The following NEMP2 variants were observed in gnomAD, a reference collection of about 807,000 sequenced individuals.
NEMP2 encodes the protein UPF0571 transmembrane protein.
Under a neutral mutation model 54.2 loss-of-function variants are expected in NEMP2, and 53 were observed. The ratio of observed to expected loss-of-function variants is 0.98; its 90% confidence interval spans 0.78 to 1.23. The LOEUF is 1.23. NEMP2 is among the 50% of genes most tolerant of loss of function. The probability of loss-of-function intolerance (pLI) is 0.00; values close to 1 mark genes in which losing one functional copy is unlikely to be tolerated. For synonymous variants in NEMP2, 197 were observed against 190.3 expected, an observed-to-expected ratio of 1.04 and a Z score of -0.29; for missense variants, 455 against 511.3, an observed-to-expected ratio of 0.89 and a Z score of 1.06.
upstream of NEMP2, chr2:190,534,797 G>A: frequency 1.8e-6 from 1 of 569,476 alleles, no homozygotes; most frequent in Non-Finnish European, 2.6e-6. Flanking sequence ...CGCCTCCCCG[G>A]GGCGGAGGGA....
chr2:190,489,488 CATTGA>C, the NEMP2 span, among the ~76,000 whole-genome samples: 6 of 152,040 alleles, frequency 3.9e-5, no homozygotes, highest in African/African-American at 1.5e-4. The surrounding 1 kb of genome is among the most constrained non-coding windows in gnomAD (Gnocchi z 6.6). Context: ...AGGAGAGCAC[CATTGA>C]ATTGTATGAG....
At chr2:190,546,719 A>G in the NEMP2 span, among the ~76,000 whole-genome samples, 1 of 152,148 alleles carries the variant, frequency 6.6e-6, no homozygotes, top group Non-Finnish European at 1.5e-5. The surrounding 1 kb of genome is among the most constrained non-coding windows in gnomAD (Gnocchi z 5.1). Flanking sequence ...GTCCTTAGCA[A>G]TAGAGTCAAG....
chr2:190,463,372 C>G, the NEMP2 span, among the ~76,000 whole-genome samples: 2 of 152,124 alleles, frequency 1.3e-5, no homozygotes, highest in Non-Finnish European at 2.9e-5. This position sits in a 1 kb window ranked among gnomAD's most constrained non-coding sequence, Gnocchi z 4.4. Context: ...AGCTTCATTC[C>G]TGGGGAGGAG....
chr2:190,632,064 GAAAAA>G, the NEMP2 span, among the ~76,000 whole-genome samples: 7 of 151,826 alleles, frequency 4.6e-5, no homozygotes, highest in African/African-American at 7.3e-5. The surrounding 1 kb of genome is among the most constrained non-coding windows in gnomAD (Gnocchi z 4.8). Flanking sequence ...CTCAAAAAAA[GAAAAA>G]AGAAAAGAAA....
Position 190,508,182 on chromosome 2 carries a change from A to G in NEMP2, c.*1007T>C, listed in dbSNP as rs1233375722. 6.6e-6 allele frequency: 1 copy of G among 152,252 alleles called. No individual in the cohort carries two copies. Among genetic ancestry groups the G allele is most frequent in the Non-Finnish European group, 1.5e-5 (1 of 68,042 alleles). 9.4% of individuals were successfully genotyped at this position (152,252 alleles called of 1,614,324 possible). A position where few individuals can be genotyped will look rare whatever the true frequency, so the allele number is the denominator to read the frequency against. ...TTAAGTGCCTTCAATTTCAAAATAC[A>G]AAAAAAGTAATCATAGTATCTAATC... On this transcript the variant is annotated 3_prime_UTR_variant, in exon 9 of 9. Transcript: ENST00000409150. This position sits in a 1 kb window ranked among gnomAD's most constrained non-coding sequence, Gnocchi z 4.3.
At chr2:190,638,771 T>C in the NEMP2 span, among the ~76,000 whole-genome samples, 1 of 152,152 alleles carries the variant, frequency 6.6e-6, no homozygotes, top group African/African-American at 2.4e-5. This position sits in a 1 kb window ranked among gnomAD's most constrained non-coding sequence, Gnocchi z 5.7. Context: ...TGCTTGCATC[T>C]GCAAAATGAA....
At chr2:190,471,821 C>G in the NEMP2 span, among the ~76,000 whole-genome samples, 1 of 152,182 alleles carries the variant, frequency 6.6e-6, no homozygotes, top group Non-Finnish European at 1.5e-5. This position sits in a 1 kb window ranked among gnomAD's most constrained non-coding sequence, Gnocchi z 4.7. Flanking sequence ...CGCAAGTAGC[C>G]TAACTGGGAG....
At chr2:190,538,378 T>C (rs1209359521), upstream of NEMP2, among the ~76,000 whole-genome samples, 2 of 152,250 alleles carry the variant, frequency 1.3e-5, no homozygotes, top group Non-Finnish European at 2.9e-5. This position sits in a 1 kb window ranked among gnomAD's most constrained non-coding sequence, Gnocchi z 4.1. Flanking sequence ...ATCTCATTGA[T>C]GGACACTTGG....
the NEMP2 span, among the ~76,000 whole-genome samples, chr2:190,646,102 A>T: frequency 6.6e-6 from 1 of 152,270 alleles, no homozygotes; most frequent in Non-Finnish European, 1.5e-5. Flanking sequence ...AGGAGAAACC[A>T]AAACTATTGC....
At chr2:190,488,862 C>T in the NEMP2 span, 3 of 1,482,174 alleles carry the variant, frequency 2.0e-6, no homozygotes, top group Non-Finnish European at 2.7e-6. The surrounding 1 kb of genome is among the most constrained non-coding windows in gnomAD (Gnocchi z 6.4). Context: ...ATTATTAAAA[C>T]ATGATTTTTT....
the NEMP2 span, among the ~76,000 whole-genome samples, chr2:190,591,529 C>T: frequency 1.7e-4 from 26 of 152,178 alleles, no homozygotes; most frequent in East Asian, 5.0e-3. This position sits in a 1 kb window ranked among gnomAD's most constrained non-coding sequence, Gnocchi z 5.4. Context: ...TGCACTCAAA[C>T]TCAGGTAAAG....
chr2:190,488,423 TGTG>T, the NEMP2 span, among the ~76,000 whole-genome samples: 9 of 152,180 alleles, frequency 5.9e-5, no homozygotes, highest in African/African-American at 1.4e-4. The surrounding 1 kb of genome is among the most constrained non-coding windows in gnomAD (Gnocchi z 6.4). Context: ...GAATTTTTGT[TGTG>T]GTGGTGAAAA....
At chr2:190,571,391 A>G in the NEMP2 span, among the ~76,000 whole-genome samples, 1 of 151,916 alleles carries the variant, frequency 6.6e-6, no homozygotes, top group Admixed American at 6.6e-5. Flanking sequence ...AAAAATACAA[A>G]AATTAGCCAG....
rs899660380 is a variant in NEMP2 at position 190,509,429 on chromosome 2, A to G, written c.1131-117T>C. 8.4e-7 allele frequency: 1 copy of G among 1,184,954 alleles called. No homozygotes were observed. Among genetic ancestry groups the G allele is most frequent in the African/African-American group, 1.5e-5 (1 of 64,856 alleles). The allele number at this position is 1,184,954 out of a possible 1,614,324, so 73.4% of individuals were successfully genotyped here. ...ATTAAATTTGACTTTGCATCAATAC[A>G]GGGTGGCATTTACACAGTGGGTGTA... is the stretch of plus-strand genomic sequence containing the variant. On this transcript the variant is annotated intron_variant, in intron 8 of 8. Coordinates refer to ENST00000409150, the MANE Select transcript of NEMP2 (RefSeq NM_001142645.2). The surrounding 1 kb of genome is among the most constrained non-coding windows in gnomAD (Gnocchi z 6.1).
chr2:190,613,209 T>A, the NEMP2 span, among the ~76,000 whole-genome samples: 1 of 152,160 alleles, frequency 6.6e-6, no homozygotes, highest in African/African-American at 2.4e-5. Context: ...ACAGAGATGA[T>A]AACAGTCCTT....
the NEMP2 span, among the ~76,000 whole-genome samples, chr2:190,556,359 C>G: frequency 4.6e-5 from 7 of 152,172 alleles, no homozygotes; most frequent in Non-Finnish European, 1.0e-4. Context: ...ATGACAAACC[C>G]ACAGCCAATA....
chr2:190,548,778 A>AT, the NEMP2 span, among the ~76,000 whole-genome samples: 1 of 152,262 alleles, frequency 6.6e-6, no homozygotes, highest in Non-Finnish European at 1.5e-5. Flanking sequence ...TTAGTGGGTT[A>AT]TTATACAGCA....
At chr2:190,494,996 C>G in the NEMP2 span, among the ~76,000 whole-genome samples, 9 of 152,202 alleles carry the variant, frequency 5.9e-5, 2 homozygotes, top group South Asian at 2.1e-4. The surrounding 1 kb of genome is among the most constrained non-coding windows in gnomAD (Gnocchi z 5.7). Context: ...GAAGTCCTAG[C>G]CAGAGCAGTC....
chr2:190,469,171 C>T, the NEMP2 span, among the ~76,000 whole-genome samples: 1 of 152,034 alleles, frequency 6.6e-6, no homozygotes. The surrounding 1 kb of genome is among the most constrained non-coding windows in gnomAD (Gnocchi z 5.3). Context: ...AACATGTATC[C>T]ATTGAACTGA....
Sources: gnomAD v4.1 joint callset for allele counts (sites outside exome capture counted in the v4.1 genomes callset) on GRCh38, gnomAD v4.1.1 for gene constraint, Gnocchi (gnomAD v3.1) non-coding constraint, MANE v1.5 for transcripts, NCBI Gene and HGNC (gene_info 2026-07-23, HGNC 2026-07-21) for gene names.